The following IMMP2L variants were observed in gnomAD, a reference collection of about 807,000 sequenced individuals.
IMMP2L encodes inner mitochondrial membrane peptidase subunit 2, also known as mitochondrial inner membrane protease subunit 2.
In IMMP2L, 18 loss-of-function variants were observed where a neutral mutation model predicts 19.3. The observed-to-expected ratio is 0.93, with a 90% confidence interval of 0.64 to 1.38. The LOEUF is 1.38. Among genes scored for constraint, IMMP2L ranks in the 40% most tolerant of loss-of-function variants. IMMP2L has a pLI of 0.00. For missense variants in IMMP2L, 233 were observed against 218.2 expected, an observed-to-expected ratio of 1.07 and a Z score of -0.43; for synonymous variants, 76 against 73.0, an observed-to-expected ratio of 1.04 and a Z score of -0.21.
chr7:110,855,781 A>C (rs1338508005), intron 5 of IMMP2L, among the ~76,000 whole-genome samples: 1 of 151,972 alleles, frequency 6.6e-6, no homozygotes, highest in Admixed American at 6.6e-5. Flanking sequence ...TTTGATCACT[A>C]TAATCAGTCC....
intron 3 of IMMP2L, among the ~76,000 whole-genome samples, chr7:111,051,594 T>C (rs776215975): frequency 7.2e-5 from 11 of 152,218 alleles, no homozygotes; most frequent in Non-Finnish European, 1.5e-4. Flanking sequence ...TTTGAAAATC[T>C]CCTGGGGAAA....
intron 3 of IMMP2L, among the ~76,000 whole-genome samples, chr7:111,417,115 T>C (rs755884960): frequency 6.6e-6 from 1 of 151,730 alleles, no homozygotes; most frequent in Non-Finnish European, 1.5e-5. Flanking sequence ...GAAGAAACAG[T>C]ACTTATTTGA....
chr7:111,510,658 A>C (rs570603766), intron 2 of IMMP2L, among the ~76,000 whole-genome samples: 17 of 152,230 alleles, frequency 1.1e-4, no homozygotes, highest in African/African-American at 4.1e-4. Flanking sequence ...GTACCAGGCA[A>C]CCAGGGACCA....
rs1278848007 is a variant in IMMP2L, at chr7:111,462,100, T to G, written c.239+25138A>C. Among the ~76,000 whole-genome samples the G allele has an allele frequency of 2.0e-5, 3 of 151,604 alleles. No homozygotes were observed. The East Asian group carries it at 5.8e-4, about 29-fold the overall frequency. On this transcript the variant is annotated intron_variant, in intron 3 of 5. Coordinates refer to ENST00000405709, the MANE Select transcript of IMMP2L (RefSeq NM_032549.4). ...CTTTATACTTATTTATATATTTTTA[T>G]TTTAATAATAAATATTCTAAATGTA...
chr7:110,908,972 G>C (rs183672141), intron 4 of IMMP2L, among the ~76,000 whole-genome samples: 3 of 152,140 alleles, frequency 2.0e-5, no homozygotes, highest in Admixed American at 6.5e-5. Context: ...TATCATACCC[G>C]TGGTAAAGAC....
chr7:111,270,529 GA>G (rs1429216363), intron 3 of IMMP2L, among the ~76,000 whole-genome samples: 7 of 151,926 alleles, frequency 4.6e-5, no homozygotes, highest in African/African-American at 1.7e-4. Context: ...TCACTATAAA[GA>G]AAAAAATTTC....
intron 3 of IMMP2L, among the ~76,000 whole-genome samples, chr7:111,433,073 A>G (rs1382246485): frequency 6.6e-6 from 1 of 151,908 alleles, no homozygotes; most frequent in African/African-American, 2.4e-5. Flanking sequence ...GGTAATTTAT[A>G]AAGAAAAGAG....
intron 3 of IMMP2L, chr7:111,391,967 G>A (rs980560285): frequency 2.0e-5 from 14 of 702,956 alleles, no homozygotes; most frequent in East Asian, 1.6e-4. Context: ...AACTCTTCTC[G>A]GTTGGCAACA....
intron 4 of IMMP2L, among the ~76,000 whole-genome samples, chr7:110,905,652 C>T (rs1459594328): frequency 2.6e-5 from 4 of 152,122 alleles, no homozygotes; most frequent in Non-Finnish European, 5.9e-5. Flanking sequence ...TCATAAAGTA[C>T]ATCGTAGGTT....
chr7:111,136,858 A>G (rs1802395458), intron 3 of IMMP2L, among the ~76,000 whole-genome samples: 1 of 152,196 alleles, frequency 6.6e-6, no homozygotes, highest in Admixed American at 6.5e-5. Flanking sequence ...TTCAGCAACC[A>G]TATTTTATAT....
intron 3 of IMMP2L, among the ~76,000 whole-genome samples, chr7:111,177,842 G>C (rs1807246261): frequency 1.3e-5 from 2 of 151,968 alleles, no homozygotes; most frequent in African/African-American, 4.8e-5. Flanking sequence ...ACAAAGAGTG[G>C]GAACAGCTTA....
chr7:110,886,372 G>GT (rs900163245), intron 5 of IMMP2L, among the ~76,000 whole-genome samples: 1 of 151,776 alleles, frequency 6.6e-6, no homozygotes, highest in Non-Finnish European at 1.5e-5. Flanking sequence ...AAGTGTCTGA[G>GT]TTTTTTTTCT....
chr7:111,094,162 G>A (rs780318788), intron 3 of IMMP2L, among the ~76,000 whole-genome samples: 3 of 152,100 alleles, frequency 2.0e-5, no homozygotes, highest in Non-Finnish European at 4.4e-5. Flanking sequence ...TTTTTGGGGT[G>A]TAACATTCCT....
At chr7:111,158,004 G>A (rs1014163471) in intron 3 of IMMP2L, among the ~76,000 whole-genome samples, 2 of 151,888 alleles carry the variant, frequency 1.3e-5, no homozygotes, top group African/African-American at 2.4e-5. Flanking sequence ...CACAAATCTG[G>A]CCCCGATGAC....
chr7:110,962,567 C>T, intron 4 of IMMP2L: 1 of 214,088 alleles, frequency 4.7e-6, no homozygotes, highest in Non-Finnish European at 8.0e-6. Context: ...CCACTGTACA[C>T]TCACAAGAGA....
At chr7:110,750,711 T>C (rs1338839548) in intron 5 of IMMP2L, among the ~76,000 whole-genome samples, 1 of 152,034 alleles carries the variant, frequency 6.6e-6, no homozygotes, top group African/African-American at 2.4e-5. Flanking sequence ...CTGAGATTAC[T>C]GTTAATGCTT....
rs145259019 is a variant in IMMP2L at position 111,407,994 on chromosome 7, T to G, written c.239+79244A>C. Among the ~76,000 whole-genome samples the G allele has an allele frequency of 2.6e-3, 403 of 152,140 alleles. 2 individuals are homozygous for G. The highest frequency in any genetic ancestry group is 4.1e-3 in the Non-Finnish European group (276 of 67,914). On this transcript the variant is annotated intron_variant, in intron 3 of 5. Transcript: ENST00000405709. The stretch of plus-strand genomic sequence containing the variant: ...CAATCCTACGAAGCAGGAACTATTT[T>G]ATTCCTATTTCAGAGATGAGATAAC...
intron 5 of IMMP2L, among the ~76,000 whole-genome samples, chr7:110,735,675 G>A (rs1430817013): frequency 3.4e-5 from 2 of 59,690 alleles, no homozygotes; most frequent in East Asian, 8.8e-4. Flanking sequence ...ATATATAGTA[G>A]ACAAATACAC....
intron 3 of IMMP2L, among the ~76,000 whole-genome samples, chr7:111,037,619 C>T (rs2129570224): frequency 6.6e-6 from 1 of 152,174 alleles, no homozygotes. Flanking sequence ...ATGACATTCA[C>T]AATATAAATA....
Sources: gnomAD v4.1 joint callset for allele counts (sites outside exome capture counted in the v4.1 genomes callset) on GRCh38, gnomAD v4.1.1 for gene constraint, MANE v1.5 for transcripts, NCBI Gene and HGNC (gene_info 2026-07-23, HGNC 2026-07-21) for gene names.